The following LY75 variants were observed in gnomAD, a reference collection of about 807,000 sequenced individuals.
The protein encoded by LY75 is lymphocyte antigen 75, also known as C-type lectin domain family 13 member B.
LY75 carries 185 observed loss-of-function variants against 231.7 expected under a neutral mutation model. That is an observed-to-expected ratio of 0.80 (90% confidence interval 0.71 to 0.90). LY75 has a LOEUF of 0.90. Ranked by LOEUF, LY75 falls within the 40% of genes least tolerant of loss-of-function variation. LY75 has a pLI of 0.00. For missense variants in LY75, 1,947 were observed against 2,050.2 expected, an observed-to-expected ratio of 0.95 and a Z score of 0.97; for synonymous variants, 668 against 689.0, an observed-to-expected ratio of 0.97 and a Z score of 0.48.
intron 20 of LY75, 70 bp from the exon 21 acceptor site, chr2:159,852,410 GTGTTTTTTTT>G (rs765175649): frequency 9.7e-6 from 14 of 1,447,742 alleles, no homozygotes; most frequent in Admixed American, 2.5e-5. Flanking sequence ...TTTGTTTTGT[GTGTTTTTTTT>G]TGTTTTTTTT....
chr2:159,899,794 C>A (rs1239284943), intron 1 of LY75, among the ~76,000 whole-genome samples: 1 of 152,186 alleles, frequency 6.6e-6, no homozygotes, highest in Non-Finnish European at 1.5e-5. Context: ...GAGGGAGCAG[C>A]AGAACAGTGG....
chr2:159,847,465 T>C (rs1163519666), intron 23 of LY75, among the ~76,000 whole-genome samples: 3 of 152,192 alleles, frequency 2.0e-5, no homozygotes, highest in Admixed American at 6.5e-5. Context: ...CCAGAGTCTC[T>C]GGGATTACAG....
At position 159,882,143 on chromosome 2, in the gene LY75, G is replaced by A; in HGVS notation, c.1227C>T (p.Val409=). Residue 409 remains valine (V), a synonymous_variant, in exon 7 of 35, where the codon GTC becomes GTT. Transcript: ENST00000263636. ...ACTTACCCTCATTATGGAGTTTTGT[G>A]ACAACCACCTCCACATCTGCTAGAG... ...IHSLADVEVV[V]TKLHNEDIKE... is the part of the protein sequence containing the mutation. 1 of 1,612,838 alleles carries A rather than the reference G, an allele frequency of 6.2e-7. No individual in the cohort carries two copies. The highest frequency in any genetic ancestry group is 1.1e-5 in the South Asian group (1 of 90,832).
chr2:159,812,622 A>G (rs910593487), intron 31 of LY75, among the ~76,000 whole-genome samples: 5 of 152,130 alleles, frequency 3.3e-5, no homozygotes, highest in South Asian at 2.1e-4. Context: ...TGTGTTGCCC[A>G]GGCTGGTCTT....
chr2:159,899,952 C>T (rs1047493833), intron 1 of LY75, among the ~76,000 whole-genome samples: 3 of 152,132 alleles, frequency 2.0e-5, no homozygotes, highest in Non-Finnish European at 4.4e-5. Context: ...CTCAGGAAGG[C>T]GACAGGGCCT....
At chr2:159,869,516 T>C (rs1238952623) in intron 13 of LY75, among the ~76,000 whole-genome samples, 1 of 152,150 alleles carries the variant, frequency 6.6e-6, no homozygotes, top group African/African-American at 2.4e-5. Context: ...AGGGATTAGC[T>C]AAAATATTTA....
intron 29 of LY75, 21 bp from the exon 30 acceptor site, chr2:159,817,053 G>A (rs1396291920): frequency 1.3e-6 from 2 of 1,549,370 alleles, no homozygotes; most frequent in Admixed American, 2.0e-5. Context: ...TAAAAGCACT[G>A]GTGATTAAAA....
At chr2:159,877,009 C>CAAAAAAAAAAAAAAA (rs58831835) in intron 11 of LY75, among the ~76,000 whole-genome samples, 38 of 90,540 alleles carry the variant, frequency 4.2e-4, no homozygotes, top group East Asian at 6.7e-4. Flanking sequence ...AACTCCATCT[C>CAAAAAAAAAAAAAAA]AAAAAAAAAA....
At chr2:159,824,424 A>G (rs893218842) in intron 28 of LY75, among the ~76,000 whole-genome samples, 1 of 152,228 alleles carries the variant, frequency 6.6e-6, no homozygotes, top group Admixed American at 6.5e-5. Flanking sequence ...TTAACTATCC[A>G]AAACATATAT....
rs1329801086 is a variant in LY75, at chr2:159,835,645, C to T, written c.3508G>A (p.Asp1170Asn). 6.2e-7 allele frequency: 1 copy of T among 1,612,840 alleles called. No individual in the cohort carries two copies. The highest frequency in any genetic ancestry group is 8.5e-7 in the Non-Finnish European group (1 of 1,179,554). Residue 1170 changes from aspartate (D) to asparagine (N), a missense_variant and splice_region_variant, in exon 26 of 35, where the codon GAT becomes AAT. Physicochemically the swap from Asp to Asn is conservative, Grantham distance 23 (BLOSUM62 1). Transcript: ENST00000263636. ...SLWIGLFSQDDELNFGWSDGK... is the reference protein window; with the variant it reads ...SLWIGLFSQDNELNFGWSDGK... ...TCTGACCAACCAAAGTTGAGTTCAT[C>T]CTGTAAGGAGCAGAAGTACATTTCA...
At chr2:159,898,573 G>T in intron 2 of LY75, 115 bp downstream of exon 2, 2 of 1,476,656 alleles carry the variant, frequency 1.4e-6, no homozygotes, top group Non-Finnish European at 9.1e-7. Flanking sequence ...GAAGTGAAGA[G>T]CTTACTCACT....
intron 12 of LY75, among the ~76,000 whole-genome samples, chr2:159,873,619 G>C (rs1685083514): frequency 6.6e-6 from 1 of 152,006 alleles, no homozygotes; most frequent in Non-Finnish European, 1.5e-5. Flanking sequence ...CTAAATGTTT[G>C]TTGTCATAGC....
At chr2:159,896,125 A>C (rs943418382) in intron 2 of LY75, among the ~76,000 whole-genome samples, 7 of 152,226 alleles carry the variant, frequency 4.6e-5, no homozygotes, top group Admixed American at 2.0e-4. Context: ...GCAGGCTTCT[A>C]AGAGTTGCCC....
intron 29 of LY75, among the ~76,000 whole-genome samples, chr2:159,818,833 ACTT>A (rs1477210711): frequency 6.6e-6 from 1 of 152,114 alleles, no homozygotes; most frequent in Non-Finnish European, 1.5e-5. Flanking sequence ...AAATTGGAAA[ACTT>A]CTTGGCAGAA....
At chr2:159,874,821 AAT>A (rs1185135690) in intron 12 of LY75, among the ~76,000 whole-genome samples, 6 of 85,536 alleles carry the variant, frequency 7.0e-5, no homozygotes, top group Admixed American at 3.6e-4. Flanking sequence ...AATTTATGTA[AAT>A]ATATATATTT....
chr2:159,820,036 T>C, intron 28 of LY75, 116 bp from the exon 29 acceptor site: 1 of 1,036,182 alleles, frequency 9.7e-7, no homozygotes, highest in Non-Finnish European at 1.3e-6. Flanking sequence ...TTCTAAAAGG[T>C]TGTATGATTA....
intron 13 of LY75, among the ~76,000 whole-genome samples, chr2:159,866,184 T>C (rs1030576633): frequency 6.6e-6 from 1 of 152,130 alleles, no homozygotes; most frequent in East Asian, 1.9e-4. Context: ...CAGCAGAATA[T>C]ATGGAACATA....
chr2:159,850,773 C>CATATATATATATATAT lies in LY75; in HGVS notation c.2884-322_2884-307dup, dbSNP rs67887100. Among the ~76,000 whole-genome samples the CATATATATATATATAT allele has an allele frequency of 2.9e-3, 79 of 27,134 alleles. 3 individuals carry two copies. The highest frequency in any genetic ancestry group is 7.1e-3 in the African/African-American group (64 of 9,048). The allele number at this position is 27,134 out of a possible 152,430, so 17.8% of individuals were successfully genotyped here. A position where few individuals can be genotyped will look rare whatever the true frequency, so the allele number is the denominator to read the frequency against. ...AACTGAAGAGCGGTCTTCAAACTTTCATATATATATATATATATATATATA... is the reference window on the plus strand; with the variant it reads ...AACTGAAGAGCGGTCTTCAAACTTTCATATATATATATATATATATATATATATATATATATATATA... On this transcript the variant is annotated intron_variant, in intron 21 of 34. Transcript: ENST00000263636.
At chr2:159,814,948 A>G (rs931277571) in intron 31 of LY75, among the ~76,000 whole-genome samples, 1 of 151,444 alleles carries the variant, frequency 6.6e-6, no homozygotes, top group Non-Finnish European at 1.5e-5. Flanking sequence ...ATTTGTTTCC[A>G]TTTACAAAGT....
Sources: gnomAD v4.1 joint callset for allele counts (sites outside exome capture counted in the v4.1 genomes callset) on GRCh38, gnomAD v4.1.1 for gene constraint, MANE v1.5 for transcripts, NCBI Gene and HGNC (gene_info 2026-07-23, HGNC 2026-07-21) for gene names.